Variants in KSR2 observed in about 807,000 individuals in gnomAD.
The protein encoded by KSR2 is kinase suppressor of ras 2.
In KSR2, 25 loss-of-function variants were observed where a neutral mutation model predicts 107.8. The observed-to-expected ratio is 0.23, with a 90% CI of 0.17 to 0.32. The LOEUF (loss-of-function observed/expected upper bound fraction) is 0.32. Among genes scored for constraint, KSR2 ranks in the 10% least tolerant of loss-of-function variants. The pLI, the probability that KSR2 is intolerant of heterozygous loss-of-function variation, is 1.00. For missense variants in KSR2, 887 were observed against 1,268.9 expected (o/e 0.70, Z 4.57); for synonymous variants, 480 against 507.0 (o/e 0.95, Z 0.71).
intron 4 of KSR2, among the ~76,000 whole-genome samples, chr12:117,741,587 G>A (rs930381615): frequency 6.6e-6 from 1 of 152,078 alleles, no homozygotes. Flanking sequence ...AACATCTCTT[G>A]AGTCCAGAAG....
In KSR2 at chr12:117,667,674, A is replaced by C. The variant is rs376476777; in HGVS notation, c.987-16T>G. ...CTTCTTGGCTCTGAAAGGGAGACAG[A>C]AAAAGAGGAAAAGGAAATATATCCA... is the stretch of plus-strand genomic sequence containing the variant. On this transcript the variant is annotated splice_polypyrimidine_tract_variant and intron_variant, in intron 4 of 19. Coordinates refer to ENST00000339824, the MANE Select transcript of KSR2 (RefSeq NM_173598.6). The C allele has an allele frequency of 3.9e-4, 610 of 1,544,318 alleles. 1 individual carries two copies. The highest frequency in any genetic ancestry group is 4.6e-4 in the Non-Finnish European group (532 of 1,148,906).
At chr12:117,768,398 A>G (rs939670272) in intron 3 of KSR2, among the ~76,000 whole-genome samples, 2 of 152,200 alleles carry the variant, frequency 1.3e-5, no homozygotes, top group Non-Finnish European at 2.9e-5. Context: ...AGTGTGCCAG[A>G]CCAGGGTGCA....
Position 117,855,686 on chromosome 12 carries a change from T to A in KSR2, c.322-108A>T, listed in dbSNP as rs534067786. ...GAGAACACTCCGCAGTGTAAACGCT[T>A]TGCATGACAGTGGGGTCTCCGAATC... On this transcript the variant is annotated intron_variant, in intron 2 of 19. Transcript: ENST00000339824. 4.4e-6 allele frequency: 5 copies of A among 1,141,346 alleles called. No individual in the cohort carries two copies. In the Admixed American group the frequency reaches 1.0e-4, roughly 23 times the overall value. 70.7% of individuals were successfully genotyped at this position (1,141,346 alleles called of 1,614,324 possible).
At chr12:117,700,672 G>T (rs1478425874) in intron 4 of KSR2, among the ~76,000 whole-genome samples, 1 of 152,190 alleles carries the variant, frequency 6.6e-6, no homozygotes, top group Non-Finnish European at 1.5e-5. Flanking sequence ...TGCTTAACTT[G>T]GTGAAGACGC....
At chr12:117,596,200 G>T (rs1002040150) in intron 5 of KSR2, among the ~76,000 whole-genome samples, 4 of 152,162 alleles carry the variant, frequency 2.6e-5, no homozygotes, top group Admixed American at 6.5e-5. Context: ...AAGGCGAAAG[G>T]CACGTCTTAC....
At chr12:117,952,837 T>C (rs1433958796) in intron 1 of KSR2, among the ~76,000 whole-genome samples, 3 of 151,714 alleles carry the variant, frequency 2.0e-5, no homozygotes, top group Non-Finnish European at 4.4e-5. Flanking sequence ...ATACAAAAAT[T>C]AGCTGGGCGT....
At chr12:117,846,896 C>T (rs1314295312) in intron 3 of KSR2, among the ~76,000 whole-genome samples, 1 of 152,246 alleles carries the variant, frequency 6.6e-6, no homozygotes, top group Non-Finnish European at 1.5e-5. Flanking sequence ...CCAGCCTTCC[C>T]CACCACTGTT....
chr12:117,494,407 A>AAGG (rs1872913333), intron 14 of KSR2, among the ~76,000 whole-genome samples: 1 of 152,168 alleles, frequency 6.6e-6, no homozygotes, highest in Admixed American at 6.5e-5. Context: ...GGCTGGCACT[A>AAGG]CCCCAACCAC....
At chr12:117,670,855 C>T (rs1884878931) in intron 4 of KSR2, among the ~76,000 whole-genome samples, 1 of 152,162 alleles carries the variant, frequency 6.6e-6, no homozygotes, top group African/African-American at 2.4e-5. Flanking sequence ...TCTATCGTTT[C>T]TCTTCCTCCT....
At chr12:117,467,749 T>C in intron 19 of KSR2, 1 of 417,956 alleles carries the variant, frequency 2.4e-6, no homozygotes, top group Non-Finnish European at 4.6e-6. Context: ...CAAAAGGAAC[T>C]CATTTATTTT....
intron 4 of KSR2, among the ~76,000 whole-genome samples, chr12:117,731,153 G>C (rs1349228264): frequency 7.0e-6 from 1 of 142,130 alleles, no homozygotes; most frequent in Non-Finnish European, 1.5e-5. Flanking sequence ...GTCTCTGCCC[G>C]GCCACGACCC....
intron 5 of KSR2, among the ~76,000 whole-genome samples, chr12:117,612,700 C>T (rs542205624): frequency 1.3e-5 from 2 of 152,234 alleles, no homozygotes; most frequent in South Asian, 4.2e-4. Flanking sequence ...AATTCTGAAC[C>T]TCACTATAAT....
At chr12:117,484,988 C>G (rs1022539710) in intron 15 of KSR2, among the ~76,000 whole-genome samples, 3 of 152,214 alleles carry the variant, frequency 2.0e-5, no homozygotes, top group Non-Finnish European at 4.4e-5. Context: ...TCATTAAGAA[C>G]ACACAGAAGA....
rs1278562973 is a variant in KSR2, at chr12:117,894,697, CTCCCCATCTCCCTCTCCCCCTTCCCG to C, written c.181-34292_181-34267del. On this transcript the variant is annotated intron_variant, in intron 1 of 19. Coordinates refer to ENST00000339824, the MANE Select transcript of KSR2 (RefSeq NM_173598.6). ...AAGTGCGTAGCACTTCCCCCTCCCC[CTCCCCATCTCCCTCTCCCCCTTCCCG>C]TCCCCATCTCCCTCTCCCCCTCCCC... is the stretch of plus-strand genomic sequence containing the variant. Among the ~76,000 whole-genome samples the C allele has an allele frequency of 1.1e-4, 14 of 132,034 alleles. 1 individual carries two copies. The highest frequency in any genetic ancestry group is 1.5e-4 in the African/African-American group (5 of 34,154). The allele number at this position is 132,034 out of a possible 152,430, so 86.6% of individuals were successfully genotyped here.
chr12:117,668,687 T>C (rs886812152), intron 4 of KSR2, among the ~76,000 whole-genome samples: 2 of 152,096 alleles, frequency 1.3e-5, no homozygotes, highest in Admixed American at 1.3e-4. Context: ...GTGGAGAGGA[T>C]TTAAAAATGC....
At chr12:117,944,046 G>C (rs1226819277) in intron 1 of KSR2, among the ~76,000 whole-genome samples, 2 of 152,096 alleles carry the variant, frequency 1.3e-5, no homozygotes, top group South Asian at 2.1e-4. Context: ...AGCTATGTTG[G>C]AACTGTGAGT....
At chr12:117,587,072 A>G (rs553793991) in intron 5 of KSR2, among the ~76,000 whole-genome samples, 4 of 152,290 alleles carry the variant, frequency 2.6e-5, no homozygotes, top group South Asian at 2.1e-4. Flanking sequence ...CCCATCCTAT[A>G]CTGCCAAGGC....
At chr12:117,743,735 T>C (rs922713504) in intron 4 of KSR2, among the ~76,000 whole-genome samples, 2 of 152,186 alleles carry the variant, frequency 1.3e-5, no homozygotes, top group South Asian at 4.1e-4. Context: ...ACTTTTACAC[T>C]CTCCTACTTT....
rs375426195 is a variant in KSR2 at position 117,924,497 on chromosome 12, G to A, written c.180+43579C>T. Reference sequence around the variant, plus strand: ...TGAGGCAGGAGAATCACTTGAACCCGGGAAGCAGAGGTTGCAGTGAGCTGA... The same window carrying A: ...TGAGGCAGGAGAATCACTTGAACCCAGGAAGCAGAGGTTGCAGTGAGCTGA... On this transcript the variant is annotated intron_variant, in intron 1 of 19. Coordinates refer to ENST00000339824, the MANE Select transcript of KSR2 (RefSeq NM_173598.6). 1.1e-4 allele frequency among the ~76,000 whole-genome samples: 16 copies of A among 149,570 alleles called. No homozygotes were observed. The East Asian group carries it at 1.6e-3, about 15-fold the overall frequency.
Sources: allele counts gnomAD v4.1 joint callset (sites outside exome capture counted in the v4.1 genomes callset), GRCh38; gene constraint gnomAD v4.1.1; transcripts MANE v1.5; gene names NCBI Gene and HGNC (gene_info 2026-07-23, HGNC 2026-07-21).